Variants in EMSY observed in about 807,000 individuals in gnomAD.
EMSY encodes BRCA2-interacting transcriptional repressor EMSY.
A neutral mutation model predicts 134.6 loss-of-function variants in EMSY; 26 were observed. The observed-to-expected ratio is 0.19, with a 90% CI of 0.14 to 0.27. EMSY has a LOEUF of 0.27. EMSY is among the 10% of genes least tolerant of loss of function. The pLI is 1.00. For synonymous variants in EMSY, 579 were observed against 577.8 expected (o/e 1.00, Z -0.03); for missense variants, 1,305 against 1,611.4 (o/e 0.81, Z 3.26).
chr11:76,490,892 A>T (rs1282041981), intron 8 of EMSY, among the ~76,000 whole-genome samples: 1 of 152,024 alleles, frequency 6.6e-6, no homozygotes, highest in African/African-American at 2.4e-5. Flanking sequence ...AAACACATGT[A>T]CATCTGTATT....
At chr11:76,483,901 A>G (rs1315421238) in intron 8 of EMSY, among the ~76,000 whole-genome samples, 1 of 152,200 alleles carries the variant, frequency 6.6e-6, no homozygotes, top group African/African-American at 2.4e-5. Context: ...AAGTGGACCT[A>G]ATAGACATCT....
chr11:76,535,296 G>C (rs940888426), intron 14 of EMSY, among the ~76,000 whole-genome samples: 6 of 152,120 alleles, frequency 3.9e-5, no homozygotes, highest in African/African-American at 1.4e-4. Flanking sequence ...TTGAGCTCCA[G>C]ATGTTACACT....
intron 8 of EMSY, among the ~76,000 whole-genome samples, chr11:76,486,566 C>T (rs1949192039): frequency 6.6e-6 from 1 of 151,902 alleles, no homozygotes; most frequent in Non-Finnish European, 1.5e-5. Flanking sequence ...AACCTCTGGC[C>T]TGGGACTATG....
At chr11:76,502,857 C>G (rs936597808) in intron 9 of EMSY, among the ~76,000 whole-genome samples, 2 of 152,130 alleles carry the variant, frequency 1.3e-5, no homozygotes, top group Admixed American at 1.3e-4. Context: ...GATGACAGTG[C>G]TCCTTAAATT....
intron 20 of EMSY, among the ~76,000 whole-genome samples, chr11:76,547,660 TTGTC>T: frequency 6.6e-6 from 1 of 152,358 alleles, no homozygotes; most frequent in East Asian, 1.9e-4. Flanking sequence ...CTCATAGTTG[TTGTC>T]TAACAGATGG....
chr11:76,476,695 A>G lies in EMSY; in HGVS notation c.1108+3855A>G, dbSNP rs114224171. On this transcript the variant is annotated intron_variant, in intron 8 of 20. Coordinates refer to ENST00000334736, the Ensembl canonical transcript of EMSY. ...TGACACAACTACATTAGTCTTTAAT[A>G]GTGTCCTTGTTTTGTGGTATGTTGA... Among the ~76,000 whole-genome samples, 1,420 of 152,246 alleles carry G rather than the reference A, an allele frequency of 9.3e-3. 21 individuals carry two copies. The highest frequency in any genetic ancestry group is 0.033 in the African/African-American group (1,354 of 41,548).
At chr11:76,487,911 TTTAATATC>T (rs1465155537) in intron 8 of EMSY, among the ~76,000 whole-genome samples, 1 of 152,254 alleles carries the variant, frequency 6.6e-6, no homozygotes, top group Non-Finnish European at 1.5e-5. Flanking sequence ...GATTTTTTTC[TTTAATATC>T]TATGAGTATG....
chr11:76,448,023 C>G (rs578191925), intron 2 of EMSY, among the ~76,000 whole-genome samples: 1 of 151,990 alleles, frequency 6.6e-6, no homozygotes, highest in East Asian at 1.9e-4. Context: ...CCCATGTGAC[C>G]AAGGACAAGT....
intron 14 of EMSY, among the ~76,000 whole-genome samples, chr11:76,530,490 A>T (rs773578490): frequency 4.6e-5 from 7 of 152,128 alleles, no homozygotes; most frequent in Non-Finnish European, 1.0e-4. Flanking sequence ...TAAGAATGGG[A>T]CATAAGTTTG....
chr11:76,545,784 A>C lies in EMSY; in HGVS notation c.3274-13A>C. ...ATGTAGCTATAACACACACAACCCC[A>C]ATTTATTTTCAGGTGGAGCAGCCAA... On this transcript the variant is annotated splice_polypyrimidine_tract_variant and intron_variant, in intron 19 of 20. Coordinates refer to ENST00000334736, the Ensembl canonical transcript of EMSY. 1 of 1,589,100 alleles carries C rather than the reference A, an allele frequency of 6.3e-7. No individual in the cohort carries two copies. Among genetic ancestry groups the C allele is most frequent in the Non-Finnish European group, 8.6e-7 (1 of 1,168,326 alleles).
At position 76,464,082 on chromosome 11, in the gene EMSY, T is replaced by A; in HGVS notation, c.831+2T>A. ...ACAACAAACACAACAACACAGAAGG[T>A]ATGTGGTGGAGGGAGTCTCTGCCTG... On this transcript the variant is annotated splice_donor_variant, in intron 7 of 20. Coordinates refer to ENST00000334736, the Ensembl canonical transcript of EMSY. LOFTEE classifies it high-confidence loss of function. The A allele has an allele frequency of 6.2e-7, 1 of 1,613,972 alleles. No homozygotes were observed. Among genetic ancestry groups the A allele is most frequent in the Non-Finnish European group, 8.5e-7 (1 of 1,179,960 alleles).
intron 8 of EMSY, among the ~76,000 whole-genome samples, chr11:76,495,606 TGA>T (rs1252891124): frequency 1.3e-5 from 2 of 152,190 alleles, no homozygotes; most frequent in African/African-American, 4.8e-5. Flanking sequence ...GTGGATATGT[TGA>T]GTATGCCCAT....
chr11:76,518,167 C>CTTTTTTTT (rs35911259), intron 11 of EMSY, among the ~76,000 whole-genome samples: 3 of 119,518 alleles, frequency 2.5e-5, no homozygotes, highest in African/African-American at 9.5e-5. Flanking sequence ...GAAGTACTTT[C>CTTTTTTTT]TTTTTTTTTT....
At chr11:76,518,699 A>ATT (rs1281981666) in intron 11 of EMSY, among the ~76,000 whole-genome samples, 4 of 124,686 alleles carry the variant, frequency 3.2e-5, no homozygotes, top group African/African-American at 9.2e-5. Flanking sequence ...ATATATATAT[A>ATT]TATATTTTTT....
At chr11:76,546,434 T>C (rs1424542901) in intron 20 of EMSY, 137 bp downstream of exon 21, 2 of 1,253,824 alleles carry the variant, frequency 1.6e-6, no homozygotes, top group Admixed American at 2.6e-5. Context: ...AGATGGTGTT[T>C]GACAAATTTG....
At chr11:76,511,592 C>T (rs1950278909) in intron 9 of EMSY, among the ~76,000 whole-genome samples, 1 of 151,930 alleles carries the variant, frequency 6.6e-6, no homozygotes, top group African/African-American at 2.4e-5. Flanking sequence ...CCCACCTACT[C>T]GGGAGGCTGA....
chr11:76,512,281 G>C (rs1950305363), intron 9 of EMSY, among the ~76,000 whole-genome samples: 1 of 151,808 alleles, frequency 6.6e-6, no homozygotes, highest in East Asian at 1.9e-4. Context: ...CTTGCTGGTG[G>C]TGCTTGCAGC....
At chr11:76,522,357 T>C (rs1425982581) in intron 11 of EMSY, among the ~76,000 whole-genome samples, 2 of 115,202 alleles carry the variant, frequency 1.7e-5, no homozygotes. Context: ...CTTTGCTTTT[T>C]TTTTTTTTTT....
intron 7 of EMSY, among the ~76,000 whole-genome samples, chr11:76,467,992 C>A (rs56218974): frequency 0.56 from 79,125 of 141,126 alleles, 22,380 homozygotes; most frequent in East Asian, 0.72. Flanking sequence ...AAAAAAAAAA[C>A]AAAAAAAAAA....
Sources: allele counts gnomAD v4.1 joint callset (sites outside exome capture counted in the v4.1 genomes callset), GRCh38; gene constraint gnomAD v4.1.1; transcripts MANE v1.5; gene names NCBI Gene and HGNC (gene_info 2026-07-23, HGNC 2026-07-21).